NRXN3: variants seen among roughly 807,000 people sequenced by gnomAD.
NRXN3 encodes the protein neurexin III.
Under a neutral mutation model 137.6 loss-of-function variants are expected in NRXN3, and 32 were observed. The ratio of observed to expected loss-of-function variants is 0.23; its 90% CI spans 0.18 to 0.31. The LOEUF (loss-of-function observed/expected upper bound fraction) is 0.31. Ranked by LOEUF, NRXN3 falls within the 10% of genes least tolerant of loss-of-function variation. NRXN3 has a pLI of 1.00. For missense variants in NRXN3, 1,574 were observed against 2,062.5 expected (o/e 0.76, Z 4.59); for synonymous variants, 798 against 784.5 (o/e 1.02, Z -0.29).
At chr14:79,205,196 C>T (rs1032164221) in intron 15 of NRXN3, among the ~76,000 whole-genome samples, 69 of 152,128 alleles carry the variant, frequency 4.5e-4, no homozygotes, top group African/African-American at 1.6e-3. Flanking sequence ...GCTGCTGCTT[C>T]GTACTTGAAA....
At chr14:79,314,959 T>G (rs1057044936) in intron 15 of NRXN3, among the ~76,000 whole-genome samples, 2 of 152,204 alleles carry the variant, frequency 1.3e-5, no homozygotes, top group Admixed American at 1.3e-4. Flanking sequence ...GGAAGCATTC[T>G]AAGCTTTTGC....
chr14:79,022,030 A>G (rs890089082), intron 15 of NRXN3, among the ~76,000 whole-genome samples: 7 of 152,208 alleles, frequency 4.6e-5, no homozygotes, highest in Non-Finnish European at 7.3e-5. Context: ...TGTTCAAGAC[A>G]TTGAACTGCA....
chr14:79,233,386 G>A (rs961853913), intron 15 of NRXN3, among the ~76,000 whole-genome samples: 5 of 152,122 alleles, frequency 3.3e-5, no homozygotes, highest in Non-Finnish European at 5.9e-5. Context: ...TCATTCACAT[G>A]CACTCCAGTA....
chr14:79,033,523 G>A (rs2099611132), intron 15 of NRXN3, among the ~76,000 whole-genome samples: 1 of 152,108 alleles, frequency 6.6e-6, no homozygotes. Context: ...TATCTGGAAC[G>A]ATGAGTATCT....
intron 4 of NRXN3, among the ~76,000 whole-genome samples, chr14:78,505,180 A>G (rs749521021): frequency 6.6e-6 from 1 of 151,814 alleles, no homozygotes; most frequent in Non-Finnish European, 1.5e-5. Flanking sequence ...AAGTCAACCT[A>G]CCTAGGAAGG....
intron 4 of NRXN3, among the ~76,000 whole-genome samples, chr14:78,534,569 C>G (rs1370017913): frequency 1.3e-5 from 2 of 152,166 alleles, no homozygotes; most frequent in Non-Finnish European, 2.9e-5. Flanking sequence ...ATCCTCATTT[C>G]TTTAACATGT....
intron 8 of NRXN3, among the ~76,000 whole-genome samples, chr14:78,762,704 A>C (rs1179422698): frequency 1.3e-5 from 2 of 152,194 alleles, no homozygotes; most frequent in Non-Finnish European, 2.9e-5. Flanking sequence ...TGTTTACCCA[A>C]AAAGGATAAA....
At chr14:78,318,746 G>T (rs1284120272) in intron 4 of NRXN3, among the ~76,000 whole-genome samples, 2 of 152,176 alleles carry the variant, frequency 1.3e-5, no homozygotes, top group Admixed American at 1.3e-4. Flanking sequence ...AGAACAGAAT[G>T]AGTTCCCTAG....
intron 16 of NRXN3, among the ~76,000 whole-genome samples, chr14:79,629,451 T>C (rs1044171063): frequency 6.6e-6 from 1 of 152,180 alleles, no homozygotes; most frequent in Non-Finnish European, 1.5e-5. Context: ...ATGTTACAAT[T>C]TTACTACCTT....
intron 15 of NRXN3, among the ~76,000 whole-genome samples, chr14:79,329,740 A>G (rs2091412860): frequency 6.6e-6 from 1 of 152,200 alleles, no homozygotes; most frequent in Non-Finnish European, 1.5e-5. Flanking sequence ...GGAATTTCAG[A>G]AGAAAGCCAA....
intron 20 of NRXN3, among the ~76,000 whole-genome samples, chr14:79,857,430 G>C (rs2099405151): frequency 6.6e-6 from 1 of 152,062 alleles, no homozygotes; most frequent in Non-Finnish European, 1.5e-5. Flanking sequence ...CACCGTGTTA[G>C]CCAGGATGGT....
At position 78,666,573 on chromosome 14, in the gene NRXN3, T is replaced by C. The variant is rs17108035; in HGVS notation, c.1221+15247T>C. 4.7e-4 allele frequency among the ~76,000 whole-genome samples: 72 copies of C among 152,274 alleles called. 1 individual carries two copies. In the East Asian group the frequency reaches 0.013, roughly 27 times the overall value. ...TCGAGTTAGAAACCTCAAAGTGAGA[T>C]GTGATCTTTCTTTCTCATTCCCCTT... On this transcript the variant is annotated intron_variant, in intron 6 of 20. Transcript: ENST00000335750.
At chr14:78,949,958 T>C (rs2099383975) in intron 10 of NRXN3, among the ~76,000 whole-genome samples, 1 of 152,200 alleles carries the variant, frequency 6.6e-6, no homozygotes, top group Non-Finnish European at 1.5e-5. Flanking sequence ...TGGCATATCC[T>C]CGTTAGAATC....
chr14:79,283,407 C>G (rs1202826166), intron 15 of NRXN3, among the ~76,000 whole-genome samples: 2 of 152,182 alleles, frequency 1.3e-5, no homozygotes, highest in African/African-American at 4.8e-5. Flanking sequence ...CACCCCCTTT[C>G]TCTACTATCC....
chr14:79,593,630 CAAAAAAAAAAAA>C (rs58254245), intron 16 of NRXN3, among the ~76,000 whole-genome samples: 1 of 74,802 alleles, frequency 1.3e-5, no homozygotes, highest in Non-Finnish European at 2.7e-5. Flanking sequence ...GACTCCGTCT[CAAAAAAAAAAAA>C]AAAAAAAAAA....
chr14:78,719,173 C>G (rs2098447777), intron 8 of NRXN3, among the ~76,000 whole-genome samples: 1 of 152,228 alleles, frequency 6.6e-6, no homozygotes, highest in African/African-American at 2.4e-5. Flanking sequence ...TTTTTCTAAA[C>G]ATATCCTGGC....
At chr14:79,054,407 A>C (rs993010035) in intron 15 of NRXN3, among the ~76,000 whole-genome samples, 9 of 152,132 alleles carry the variant, frequency 5.9e-5, no homozygotes, top group Non-Finnish European at 1.0e-4. Context: ...TGTGGTATGA[A>C]AGTCTAGAGC....
In NRXN3 at chr14:78,321,499, T is replaced by A. The variant is rs1404212902; in HGVS notation, c.757+23639T>A. On this transcript the variant is annotated intron_variant, in intron 4 of 20. Coordinates refer to ENST00000335750, the MANE Select transcript of NRXN3 (RefSeq NM_001330195.2). ...ATACCCTCTCTTTCCTTTCGTCTTC[T>A]CTGCTCTTTAGAGGGCACAATGAGT... Among the ~76,000 whole-genome samples the A allele has an allele frequency of 4.6e-5, 7 of 152,242 alleles. No homozygotes were observed. The East Asian group carries it at 1.4e-3, about 29-fold the overall frequency.
chr14:79,731,643 C>CTTTTTTTT (rs530011034), intron 19 of NRXN3, among the ~76,000 whole-genome samples: 1 of 140,098 alleles, frequency 7.1e-6, no homozygotes, highest in African/African-American at 2.6e-5. Flanking sequence ...TCCCTTCCTT[C>CTTTTTTTT]TTTTTTTTTT....
Sources: allele counts gnomAD v4.1 joint callset (sites outside exome capture counted in the v4.1 genomes callset), GRCh38; gene constraint gnomAD v4.1.1; transcripts MANE v1.5; gene names NCBI Gene and HGNC (gene_info 2026-07-23, HGNC 2026-07-21).